ANAPC10: variants seen among roughly 807,000 people sequenced by gnomAD.
ANAPC10 encodes anaphase promoting complex subunit 10.
A neutral mutation model predicts 22.0 loss-of-function variants in ANAPC10; 12 were observed. The observed-to-expected ratio is 0.55, with a 90% CI of 0.35 to 0.88. ANAPC10 has a LOEUF of 0.88. Ranked by LOEUF, ANAPC10 falls within the 40% of genes least tolerant of loss-of-function variation. The pLI, the probability that ANAPC10 is intolerant of heterozygous loss-of-function variation, is 0.01. For missense variants in ANAPC10, 188 were observed against 220.9 expected (o/e 0.85, Z 0.94); for synonymous variants, 65 against 69.5 (o/e 0.94, Z 0.32).
chr4:145,077,190 C>T (rs1745327446), intron 3 of ANAPC10, among the ~76,000 whole-genome samples: 1 of 151,900 alleles, frequency 6.6e-6, no homozygotes, highest in African/African-American at 2.4e-5. Context: ...CAGAGCAAGA[C>T]TCTGTCTCAA....
intron 4 of ANAPC10, among the ~76,000 whole-genome samples, chr4:145,030,664 A>G (rs1737431582): frequency 6.6e-6 from 1 of 152,188 alleles, no homozygotes; most frequent in African/African-American, 2.4e-5. Flanking sequence ...ATTGGCATAG[A>G]CATACTTAGC....
intron 4 of ANAPC10, among the ~76,000 whole-genome samples, chr4:144,999,593 G>A (rs2126843500): frequency 6.6e-6 from 1 of 152,270 alleles, no homozygotes; most frequent in East Asian, 1.9e-4. Context: ...CTCATGGATA[G>A]GAAGAATCAA....
At chr4:145,056,015 T>C (rs1742019251) in intron 4 of ANAPC10, among the ~76,000 whole-genome samples, 2 of 152,192 alleles carry the variant, frequency 1.3e-5, no homozygotes, top group South Asian at 4.1e-4. Context: ...CATGGGTCAA[T>C]GGCAAGCCTA....
At chr4:145,067,690 C>CAGATACG (rs1743908542) in intron 3 of ANAPC10, among the ~76,000 whole-genome samples, 5 of 152,218 alleles carry the variant, frequency 3.3e-5, no homozygotes, top group African/African-American at 9.6e-5. Context: ...CCTGCTACCA[C>CAGATACG]AGATACGAGC....
chr4:145,075,598 G>T (rs896952108), intron 3 of ANAPC10, among the ~76,000 whole-genome samples: 1 of 152,108 alleles, frequency 6.6e-6, no homozygotes, highest in African/African-American at 2.4e-5. Flanking sequence ...AGTAAGCTAG[G>T]AACCGTGAAT....
At chr4:145,064,790 G>C (rs988752523) in intron 3 of ANAPC10, 98 bp from the exon 4 acceptor site, 20 of 1,053,920 alleles carry the variant, frequency 1.9e-5, no homozygotes, top group Middle Eastern at 5.9e-4. Flanking sequence ...TTTGCTAAAA[G>C]GAGTATTTGA....
At chr4:145,091,756 C>A (rs149156036) in intron 2 of ANAPC10, among the ~76,000 whole-genome samples, 2 of 152,140 alleles carry the variant, frequency 1.3e-5, no homozygotes, top group Admixed American at 1.3e-4. Context: ...GGTTCTACAT[C>A]TTTGAGGACT....
chr4:145,041,323 G>C (rs1739486010), intron 4 of ANAPC10, among the ~76,000 whole-genome samples: 1 of 152,182 alleles, frequency 6.6e-6, no homozygotes, highest in African/African-American at 2.4e-5. Flanking sequence ...TTACAGCTTA[G>C]ATAGCATGAA....
At chr4:145,007,071 G>A (rs1275369877) in intron 4 of ANAPC10, among the ~76,000 whole-genome samples, 4 of 151,742 alleles carry the variant, frequency 2.6e-5, no homozygotes, top group Non-Finnish European at 5.9e-5. Context: ...AACAGCTCCA[G>A]TGCACAGGTC....
At chr4:145,053,796 G>T in intron 4 of ANAPC10, 1 of 631,852 alleles carries the variant, frequency 1.6e-6, no homozygotes, top group South Asian at 1.8e-5. Context: ...AAAAAAAAAA[G>T]GTTCCTGACT....
chr4:145,070,136 T>C (rs1165516671), intron 3 of ANAPC10, among the ~76,000 whole-genome samples: 1 of 152,214 alleles, frequency 6.6e-6, no homozygotes, highest in Admixed American at 6.5e-5. Flanking sequence ...GAACTTCTGC[T>C]CTAAAGCAGG....
chr4:145,088,243 C>A (rs1483761697), intron 2 of ANAPC10, among the ~76,000 whole-genome samples: 2 of 152,008 alleles, frequency 1.3e-5, no homozygotes, highest in Non-Finnish European at 2.9e-5. Context: ...AAGCTTTATT[C>A]TTTTCTCTAA....
At chr4:144,998,009 T>C (rs1731893753) in intron 4 of ANAPC10, among the ~76,000 whole-genome samples, 1 of 152,108 alleles carries the variant, frequency 6.6e-6, no homozygotes, top group South Asian at 2.1e-4. Context: ...GGTAAAGGGA[T>C]CAATTCAACA....
intron 4 of ANAPC10, among the ~76,000 whole-genome samples, chr4:145,003,177 G>C (rs1002078022): frequency 2.0e-5 from 3 of 152,078 alleles, no homozygotes; most frequent in Non-Finnish European, 4.4e-5. Context: ...CATCCATGTT[G>C]CTGTAAAGGG....
intron 4 of ANAPC10, among the ~76,000 whole-genome samples, chr4:145,028,310 A>G (rs1252312088): frequency 6.6e-6 from 1 of 152,120 alleles, no homozygotes; most frequent in Non-Finnish European, 1.5e-5. Context: ...CTAGCCTCCC[A>G]GCCTGCATCT....
At chr4:145,021,928 A>C (rs1302460871) in intron 4 of ANAPC10, among the ~76,000 whole-genome samples, 1 of 152,200 alleles carries the variant, frequency 6.6e-6, no homozygotes, top group Non-Finnish European at 1.5e-5. Flanking sequence ...GCTCAGCATC[A>C]CTAATGATCA....
At chr4:145,030,657 G>C (rs1737430361) in intron 4 of ANAPC10, among the ~76,000 whole-genome samples, 1 of 152,142 alleles carries the variant, frequency 6.6e-6, no homozygotes, top group South Asian at 2.1e-4. Flanking sequence ...ATGCATAATT[G>C]GCATAGACAT....
chr4:145,044,395 A>AAG (rs1560868284), intron 4 of ANAPC10, among the ~76,000 whole-genome samples: 4 of 152,180 alleles, frequency 2.6e-5, no homozygotes, highest in African/African-American at 9.6e-5. Flanking sequence ...ATTTCAAAAA[A>AAG]TGTGTGTTTC....
At chr4:145,080,749 A>T (rs1208422340) in intron 3 of ANAPC10, among the ~76,000 whole-genome samples, 1 of 151,936 alleles carries the variant, frequency 6.6e-6, no homozygotes, top group Non-Finnish European at 1.5e-5. Flanking sequence ...CTCTACTAAA[A>T]ATACAAAATT....
Sources: gnomAD v4.1 joint callset for allele counts (sites outside exome capture counted in the v4.1 genomes callset) on GRCh38, gnomAD v4.1.1 for gene constraint, MANE v1.5 for transcripts, NCBI Gene and HGNC (gene_info 2026-07-23, HGNC 2026-07-21) for gene names.